ZBTB41: variants seen among roughly 807,000 people sequenced by gnomAD.
ZBTB41 encodes the protein zinc finger and BTB domain containing 41, also known as zinc finger and BTB domain-containing protein 41.
Under a neutral mutation model 87.6 loss-of-function variants are expected in ZBTB41, and 42 were observed. The ratio of observed to expected loss-of-function variants is 0.48; its 90% CI spans 0.37 to 0.62. The LOEUF is 0.62. Among genes scored for constraint, ZBTB41 ranks in the 20% least tolerant of loss-of-function variants. The pLI, the probability that ZBTB41 is intolerant of heterozygous loss-of-function variation, is 0.00. For synonymous variants in ZBTB41, 364 were observed against 364.0 expected, an observed-to-expected ratio of 1.00 and a Z score of 0.00; for missense variants, 799 against 1,078.9, an observed-to-expected ratio of 0.74 and a Z score of 3.63.
In ZBTB41 at chr1:197,188,332, T is replaced by C; in HGVS notation, c.1506A>G (p.Ser502=). The change falls in exon 5 of 11, where the codon TCA becomes TCG. Residue 502 remains serine, a synonymous_variant. Transcript: ENST00000367405. ...CTTGATGCTTTAACCGAGCAAACCG[T>C]GATTTAAAATGTTCTTCACAATAGG... ...KCTYCEEHFK[S]RFARLKHQEK... is the part of the protein sequence containing the mutation. 1 of 1,613,672 alleles carries C rather than the reference T, an allele frequency of 6.2e-7. No individual in the cohort carries two copies. Among genetic ancestry groups the C allele is most frequent in the Non-Finnish European group, 8.5e-7 (1 of 1,179,878 alleles).
intron 5 of ZBTB41, among the ~76,000 whole-genome samples, chr1:197,184,684 AGCCTCT>A (rs1396797070): frequency 2.0e-5 from 3 of 152,178 alleles, no homozygotes; most frequent in African/African-American, 7.2e-5. Flanking sequence ...GTGTCCAAAA[AGCCTCT>A]GCCTTTAAGA....
intron 10 of ZBTB41, among the ~76,000 whole-genome samples, chr1:197,166,838 C>T (rs1442174801): frequency 6.6e-6 from 1 of 151,962 alleles, no homozygotes; most frequent in Non-Finnish European, 1.5e-5. Flanking sequence ...CAGAGTGAGA[C>T]TCGGTCTCAA....
At position 197,199,337 on chromosome 1, in the gene ZBTB41, C is replaced by A. The variant is rs780433577; in HGVS notation, c.1120+17G>T. On this transcript the variant is annotated intron_variant, in intron 2 of 10. Coordinates refer to ENST00000367405, the MANE Select transcript of ZBTB41 (RefSeq NM_194314.3). The stretch of plus-strand genomic sequence containing the variant: ...AAGTAAGTGATTAGAGATAGAAAAC[C>A]AGTTTTCTTTTCTTACCTATTCGGT... 5.5e-6 allele frequency: 8 copies of A among 1,454,828 alleles called. No homozygotes were observed. Among genetic ancestry groups the A allele is most frequent in the South Asian group, 3.3e-5 (2 of 59,946 alleles). The allele number at this position is 1,454,828 out of a possible 1,614,324, so 90.1% of individuals were successfully genotyped here.
chr1:197,200,587 T>A lies in ZBTB41; in HGVS notation c.-114A>T, dbSNP rs1187852641. 5 of 1,059,766 alleles carry A rather than the reference T, an allele frequency of 4.7e-6. No individual in the cohort carries two copies. The highest frequency in any genetic ancestry group is 5.0e-5 in the East Asian group (2 of 39,724). 65.6% of individuals were successfully genotyped at this position (1,059,766 alleles called of 1,614,324 possible). Reference sequence around the variant, plus strand: ...TGAAGGGGCGTGCCCAAGGGTTTCATGGTCTGCAAAAGAGTGAGAACCACG... The same window carrying A: ...TGAAGGGGCGTGCCCAAGGGTTTCAAGGTCTGCAAAAGAGTGAGAACCACG... On this transcript the variant is annotated 5_prime_UTR_variant, in exon 2 of 11. The change abolishes an upstream ATG in the 5' untranslated region. Coordinates refer to ENST00000367405, the MANE Select transcript of ZBTB41 (RefSeq NM_194314.3).
chr1:197,159,527 T>C lies in ZBTB41; in HGVS notation c.2562A>G (p.Leu854=). The C allele has an allele frequency of 1.9e-6, 3 of 1,613,982 alleles. No homozygotes were observed. In the South Asian group the frequency reaches 3.3e-5, roughly 18 times the overall value. ...TAAGAGTATATTTTTCCAGAAAAGC[T>C]AAATCCGCTGCTCGTGGATAATCAG... ...QSTDYPRAAD[L]AFLEKYTLTP... is the part of the protein sequence containing the mutation. The change falls in exon 11 of 11, where the codon TTA becomes TTG. Residue 854 remains leucine (L), a synonymous_variant. Coordinates refer to ENST00000367405, the MANE Select transcript of ZBTB41 (RefSeq NM_194314.3).
At chr1:197,167,282 A>C (rs906852590) in intron 10 of ZBTB41, among the ~76,000 whole-genome samples, 2 of 152,054 alleles carry the variant, frequency 1.3e-5, no homozygotes, top group African/African-American at 4.8e-5. Context: ...TGCAGCCTCA[A>C]TTTCCCCGGC....
Position 197,154,257 on chromosome 1 carries a change from C to T in ZBTB41, c.*5102G>A, listed in dbSNP as rs1418125490. 6.6e-6 allele frequency: 1 copy of T among 152,502 alleles called. No individual in the cohort carries two copies. Among genetic ancestry groups the T allele is most frequent in the African/African-American group, 2.4e-5 (1 of 41,442 alleles). 9.4% of individuals were successfully genotyped at this position (152,502 alleles called of 1,614,324 possible). ...CTTCATTCAATACATCTTTTAGAAT[C>T]TCCAACAGCAATGCAAGCATTGATT... On this transcript the variant is annotated 3_prime_UTR_variant, in exon 11 of 11. Transcript: ENST00000367405.
At chr1:197,181,199 C>A in intron 5 of ZBTB41, 82 bp from the exon 6 acceptor site, 1 of 1,292,460 alleles carries the variant, frequency 7.7e-7, no homozygotes, top group South Asian at 1.5e-5. Flanking sequence ...GCTGTAAGTT[C>A]ATGCCTATCC....
intron 7 of ZBTB41, among the ~76,000 whole-genome samples, chr1:197,177,194 G>C (rs1198597455): frequency 6.6e-6 from 1 of 152,114 alleles, no homozygotes; most frequent in African/African-American, 2.4e-5. Flanking sequence ...CCTGGTGGCA[G>C]GTAACTGGAT....
Position 197,200,374 on chromosome 1 carries a change from C to A in ZBTB41, c.100G>T (p.Val34Leu). Residue 34 changes from valine to leucine, a missense_variant, in exon 2 of 11, where the codon GTG becomes TTG. Val to Leu is a conservative substitution (Grantham distance 32). This residue lies in a region of ZBTB41 where 77 missense variants were observed against 68.4 expected (regional missense o/e 1.13). Coordinates refer to ENST00000367405, the MANE Select transcript of ZBTB41 (RefSeq NM_194314.3). ...CTTCCTGCAGAATGAGTATAGGTCACTTGGTCACACTCCACTGCAACATTT... is the reference window on the plus strand; with the variant it reads ...CTTCCTGCAGAATGAGTATAGGTCAATTGGTCACACTCCACTGCAACATTT... ...EGNVAVECDQVTYTHSAGRPT... is the reference protein window; with the variant it reads ...EGNVAVECDQLTYTHSAGRPT... 6.2e-7 allele frequency: 1 copy of A among 1,614,130 alleles called. No homozygotes were observed. The highest frequency in any genetic ancestry group is 8.5e-7 in the Non-Finnish European group (1 of 1,180,018).
chr1:197,176,530 G>C, intron 8 of ZBTB41, 34 bp downstream of exon 8: 2 of 1,447,304 alleles, frequency 1.4e-6, no homozygotes, highest in Non-Finnish European at 1.9e-6. Context: ...ATTTAAAAAG[G>C]ATTTTCGAAC....
intron 2 of ZBTB41, among the ~76,000 whole-genome samples, chr1:197,193,401 A>C (rs548981905): frequency 2.2e-3 from 341 of 152,130 alleles, no homozygotes; most frequent in African/African-American, 7.9e-3. Flanking sequence ...AAAAACCAAA[A>C]AAACAAAAAA....
At position 197,159,832 on chromosome 1, in the gene ZBTB41, C is replaced by T. The variant is rs747454532; in HGVS notation, c.2257G>A (p.Asp753Asn). 4 of 1,613,960 alleles carry T rather than the reference C, an allele frequency of 2.5e-6. No homozygotes were observed. Among genetic ancestry groups the T allele is most frequent in the Non-Finnish European group, 3.4e-6 (4 of 1,179,902 alleles). ...IDHVHEIKSP[D>N]DPLSTSEEKL... ...TCCTCAGAAGTACTGAGAGGATCAT[C>T]AGGAGATTTTATTTCATGAACATGG... Residue 753 changes from aspartate to asparagine, a missense_variant, in exon 11 of 11, where the codon GAT becomes AAT. Physicochemically the swap from Asp to Asn is conservative, Grantham distance 23 (BLOSUM62 1). This residue lies in a region of ZBTB41 where 171 missense variants were observed against 191.9 expected (regional missense o/e 0.89). Transcript: ENST00000367405.
At chr1:197,177,516 T>C (rs367561557) in intron 7 of ZBTB41, among the ~76,000 whole-genome samples, 1 of 152,148 alleles carries the variant, frequency 6.6e-6, no homozygotes, top group East Asian at 1.9e-4. Context: ...TTCTGGATAA[T>C]TGTTATCAAC....
intron 9 of ZBTB41, 96 bp downstream of exon 9, chr1:197,174,914 C>T (rs910190647): frequency 1.1e-6 from 1 of 871,354 alleles, no homozygotes; most frequent in South Asian, 1.7e-5. Context: ...AACTGGTTAA[C>T]CTAACTTCAA....
At chr1:197,192,693 T>C (rs1404113191) in intron 2 of ZBTB41, among the ~76,000 whole-genome samples, 1 of 152,130 alleles carries the variant, frequency 6.6e-6, no homozygotes, top group Non-Finnish European at 1.5e-5. Context: ...GAAAAATAAA[T>C]GTATAAATAA....
chr1:197,174,814 G>A (rs1361344184), intron 9 of ZBTB41, among the ~76,000 whole-genome samples, 196 bp downstream of exon 9: 1 of 151,832 alleles, frequency 6.6e-6, no homozygotes, highest in Non-Finnish European at 1.5e-5. Flanking sequence ...CACCTCCCTG[G>A]CCTTTGAATT....
At chr1:197,196,387 T>G (rs1247662569) in intron 2 of ZBTB41, among the ~76,000 whole-genome samples, 1 of 152,138 alleles carries the variant, frequency 6.6e-6, no homozygotes, top group Admixed American at 6.5e-5. Context: ...TAGTCTACAT[T>G]CAATGTATCA....
intron 10 of ZBTB41, among the ~76,000 whole-genome samples, chr1:197,163,925 A>G (rs1357788464): frequency 6.6e-6 from 1 of 152,122 alleles, no homozygotes; most frequent in Non-Finnish European, 1.5e-5. Context: ...TCAGACAAAT[A>G]ATATGGTGCC....
Sources: allele counts gnomAD v4.1 joint callset (sites outside exome capture counted in the v4.1 genomes callset), GRCh38; gene constraint gnomAD v4.1.1; regional missense constraint gnomAD v4.1.1; transcripts MANE v1.5; gene names NCBI Gene and HGNC (gene_info 2026-07-23, HGNC 2026-07-21).